Variants in FCN1 observed in about 807,000 individuals in gnomAD.
The protein encoded by FCN1 is ficolin-1.
In FCN1, 42 loss-of-function variants were observed where a neutral mutation model predicts 35.6. The observed-to-expected ratio is 1.18, with a 90% CI of 0.92 to 1.53. The LOEUF (loss-of-function observed/expected upper bound fraction) is 1.53. FCN1 is among the 40% of genes most tolerant of loss of function. The pLI is 0.00. For missense variants in FCN1, 439 were observed against 428.4 expected (o/e 1.02, Z -0.22); for synonymous variants, 179 against 169.8 (o/e 1.05, Z -0.42).
At chr9:134,911,308 T>G in intron 7 of FCN1, 41 bp from the exon 8 acceptor site, 1 of 1,606,602 alleles carries the variant, frequency 6.2e-7, no homozygotes, top group Non-Finnish European at 8.5e-7. Flanking sequence ...TTTAAGATCT[T>G]TCTGTCACCA....
At chr9:134,914,196 G>A (rs1226323213) in intron 4 of FCN1, among the ~76,000 whole-genome samples, 189 bp downstream of exon 4, 1 of 152,226 alleles carries the variant, frequency 6.6e-6, no homozygotes, top group Non-Finnish European at 1.5e-5. Context: ...GGGAGTGACT[G>A]CTGTAGACAC....
chr9:134,912,529 C>T lies in FCN1; in HGVS notation c.555G>A (p.Glu185=). ...GGATGTTGTCATTCCCCAGCCAGAA[C>T]TCCCCCAGCTGACTGCCGAAGCCCT... ...YKQGFGSQLG[E]FWLGNDNIHA... is the part of the protein sequence containing the mutation. The change falls in exon 7 of 9, where the codon GAG becomes GAA. Residue 185 remains glutamate (E), a synonymous_variant. Coordinates refer to ENST00000371806, the MANE Select transcript of FCN1 (RefSeq NM_002003.5). 1 of 1,614,078 alleles carries T rather than the reference C, an allele frequency of 6.2e-7. No homozygotes were observed. Among genetic ancestry groups the T allele is most frequent in the East Asian group, 2.2e-5 (1 of 44,874 alleles).
At position 134,913,467 on chromosome 9, in the gene FCN1, G is replaced by A. The variant is rs976429976; in HGVS notation, c.340+114C>T. The stretch of plus-strand genomic sequence containing the variant: ...CCCATTACTCGAGTGATTGAGGGGG[G>A]GATGATAGGTGCAGACAGGGTTCTG... On this transcript the variant is annotated intron_variant, in intron 5 of 8. Coordinates refer to ENST00000371806, the MANE Select transcript of FCN1 (RefSeq NM_002003.5). The A allele has an allele frequency of 7.6e-5, 60 of 792,724 alleles. No homozygotes were observed. The African/African-American group carries it at 8.0e-4, about 11-fold the overall frequency. 49.1% of individuals were successfully genotyped at this position (792,724 alleles called of 1,614,324 possible).
chr9:134,912,758 C>A, intron 6 of FCN1, 143 bp from the exon 7 acceptor site: 1 of 1,219,318 alleles, frequency 8.2e-7, no homozygotes, highest in Non-Finnish European at 1.1e-6. Flanking sequence ...GGTCTCCTCA[C>A]AGACTCCACA....
intron 7 of FCN1, among the ~76,000 whole-genome samples, chr9:134,911,745 C>T (rs1356552039): frequency 1.3e-5 from 2 of 152,186 alleles, no homozygotes; most frequent in Non-Finnish European, 2.9e-5. Flanking sequence ...CTATCAGGCC[C>T]TCAGGGATGG....
intron 4 of FCN1, among the ~76,000 whole-genome samples, chr9:134,914,052 T>G (rs1321323994): frequency 6.6e-6 from 1 of 152,254 alleles, no homozygotes; most frequent in Non-Finnish European, 1.5e-5. Flanking sequence ...TGGAGCGTGG[T>G]ACAGTGTATT....
At position 134,913,097 on chromosome 9, in the gene FCN1, G is replaced by A. The variant is rs201530526; in HGVS notation, c.387C>T (p.Ser129=). ...CGGGCAGGTAGATGGTGTGCCAGCC[G>A]CTCAGGAAATACCCCCGGTCTAGCA... ...KDLLDRGYFL[S]GWHTIYLPDC... The change falls in exon 6 of 9, where the codon AGC becomes AGT. Residue 129 remains serine (S), a synonymous_variant. Coordinates refer to ENST00000371806, the MANE Select transcript of FCN1 (RefSeq NM_002003.5). 1.4e-5 allele frequency: 22 copies of A among 1,613,930 alleles called. No individual in the cohort carries two copies. The highest frequency in any genetic ancestry group is 8.0e-5 in the African/African-American group (6 of 75,054).
rs767342630 is a variant in FCN1, at chr9:134,913,065, C to A, written c.419G>T (p.Arg140Leu). ...CATGTCACAGAGCACAGTCAGGGGC[C>A]GGCAGTCGGGCAGGTAGATGGTGTG... ...GWHTIYLPDC[R>L]PLTVLCDMDT... The change falls in exon 6 of 9, where the codon CGG becomes CTG. Residue 140 changes from arginine (R) to leucine (L), a missense_variant. Transcript: ENST00000371806. 3 of 1,613,316 alleles carry A rather than the reference C, an allele frequency of 1.9e-6. No individual in the cohort carries two copies. The highest frequency in any genetic ancestry group is 4.5e-5 in the East Asian group (2 of 44,848).
chr9:134,912,680 G>A (rs553886913), intron 6 of FCN1, 65 bp from the exon 7 acceptor site: 30 of 1,602,622 alleles, frequency 1.9e-5, no homozygotes, highest in South Asian at 1.2e-4. Context: ...CCGGGGACCC[G>A]CCCTCCAGAG....
chr9:134,917,839 C>T lies in FCN1; in HGVS notation c.33G>A (p.Gly11=), dbSNP rs10858293. 1.2e-6 allele frequency: 2 copies of T among 1,613,280 alleles called. No homozygotes were observed. Among genetic ancestry groups the T allele is most frequent in the South Asian group, 1.1e-5 (1 of 91,058 alleles). The change falls in exon 1 of 9, where the codon GGG becomes GGA. Residue 11 remains glycine (G), a synonymous_variant. Transcript: ENST00000371806. MELSGATMAR[G]LAVLLVLFLH... is the part of the protein sequence containing the mutation. ...GGAACAAGACTAGCAGGACAGCGAGCCCCCGGGCCATGGTGGCTCCACTCA... is the reference window on the plus strand; with the variant it reads ...GGAACAAGACTAGCAGGACAGCGAGTCCCCGGGCCATGGTGGCTCCACTCA...
In FCN1 at chr9:134,909,920, T is replaced by C. The variant is rs1831000301; in HGVS notation, c.859A>G (p.Asn287Asp). Residue 287 changes from asparagine to aspartate, a missense_variant, in exon 9 of 9, where the codon AAC becomes GAC. Physicochemically the swap from Asn to Asp is conservative, Grantham distance 23. Transcript: ENST00000371806. Reference protein sequence around the residue: ...AWWYADCHASNLNGLYLMGPH... With the variant: ...AWWYADCHASDLNGLYLMGPH... ...CCCATGAGGTAGAGACCATTGAGGT[T>C]TGAAGCATGACAGTCGGCGTACCAC... 1 of 1,614,094 alleles carries C rather than the reference T, an allele frequency of 6.2e-7. No homozygotes were observed. Among genetic ancestry groups the C allele is most frequent in the Non-Finnish European group, 8.5e-7 (1 of 1,180,022 alleles).
intron 4 of FCN1, 82 bp downstream of exon 4, chr9:134,914,303 G>C (rs1054725105): frequency 1.6e-5 from 20 of 1,225,366 alleles, no homozygotes; most frequent in Non-Finnish European, 2.2e-5. Flanking sequence ...CGTGGGCGGT[G>C]GGCAGGCGGA....
intron 5 of FCN1, 151 bp from the exon 6 acceptor site, chr9:134,913,294 G>C (rs1831049963): frequency 8.9e-7 from 1 of 1,127,766 alleles, no homozygotes; most frequent in East Asian, 2.6e-5. Flanking sequence ...ACGGCCCCCA[G>C]GGCCACGCAG....
Position 134,904,360 on chromosome 9 carries a change from T to A in FCN1, c.*5438A>T, listed in dbSNP as rs1328974113. Among the ~76,000 whole-genome samples the A allele has an allele frequency of 6.6e-6, 1 of 152,236 alleles. No individual in the cohort carries two copies. The highest frequency in any genetic ancestry group is 6.5e-5 in the Admixed American group (1 of 15,276). On this transcript the variant is annotated 3_prime_UTR_variant, in exon 9 of 9. Transcript: ENST00000371806. Reference sequence around the variant, plus strand: ...TACTGGACATCTGTATTTACAGTGCTAAAAGAAACTAATTGGCAATATAGA... The same window carrying A: ...TACTGGACATCTGTATTTACAGTGCAAAAAGAAACTAATTGGCAATATAGA...
At position 134,912,564 on chromosome 9, in the gene FCN1, C is replaced by T. The variant is rs549932798; in HGVS notation, c.520G>A (p.Ala174Thr). The T allele has an allele frequency of 1.6e-5, 26 of 1,614,068 alleles. No homozygotes were observed. The highest frequency in any genetic ancestry group is 3.3e-5 in the Admixed American group (2 of 60,020). Residue 174 changes from alanine to threonine, a missense_variant, in exon 7 of 9, where the codon GCA becomes ACA. Ala to Thr is a moderately conservative substitution (Grantham distance 58). Coordinates refer to ENST00000371806, the MANE Select transcript of FCN1 (RefSeq NM_002003.5). Reference sequence around the variant, plus strand: ...TGACTGCCGAAGCCCTGCTTGTATGCGGCCCAGTCCCGATAGAAGTCCACA... The same window carrying T: ...TGACTGCCGAAGCCCTGCTTGTATGTGGCCCAGTCCCGATAGAAGTCCACA... ...GSVDFYRDWA[A>T]YKQGFGSQLG...
At chr9:134,913,985 A>G (rs988755868) in intron 4 of FCN1, among the ~76,000 whole-genome samples, 2 of 151,970 alleles carry the variant, frequency 1.3e-5, no homozygotes, top group Admixed American at 6.6e-5. Flanking sequence ...GTTTCTTGGG[A>G]CTCAGGTATC....
rs1339512737 is a variant in FCN1 at position 134,906,091 on chromosome 9, A to C, written c.*3707T>G. The C allele has an allele frequency of 6.6e-6, 1 of 152,234 alleles. No homozygotes were observed. Among genetic ancestry groups the C allele is most frequent in the Non-Finnish European group, 1.5e-5 (1 of 68,914 alleles). 9.4% of individuals were successfully genotyped at this position (152,234 alleles called of 1,614,324 possible). The stretch of plus-strand genomic sequence containing the variant: ...ACTGCAACCTCCACCTCCCGGGATC[A>C]AGCGATTTCTGGCGGAGTTTTGTAT... On this transcript the variant is annotated 3_prime_UTR_variant, in exon 9 of 9. Transcript: ENST00000371806.
intron 3 of FCN1, 39 bp from the exon 4 acceptor site, chr9:134,914,459 A>G (rs1251933032): frequency 1.3e-6 from 2 of 1,591,582 alleles, no homozygotes; most frequent in South Asian, 1.1e-5. Flanking sequence ...TTGACCCCAG[A>G]TGTGTGGGCC....
At chr9:134,913,488 T>A in intron 5 of FCN1, 93 bp downstream of exon 5, 1 of 1,005,268 alleles carries the variant, frequency 9.9e-7, no homozygotes, top group South Asian at 1.6e-5. Context: ...GCAGACAGGG[T>A]TCTGTCCTTA....
Sources: gnomAD v4.1 joint callset for allele counts (sites outside exome capture counted in the v4.1 genomes callset) on GRCh38, gnomAD v4.1.1 for gene constraint, MANE v1.5 for transcripts, NCBI Gene and HGNC (gene_info 2026-07-23, HGNC 2026-07-21) for gene names.